AGAP1: variants seen among roughly 807,000 people sequenced by gnomAD.
AGAP1 encodes the protein arf-GAP with GTPase, ANK repeat and PH domain-containing protein 1.
Under a neutral mutation model 105.3 loss-of-function variants are expected in AGAP1, and 29 were observed. That is an observed-to-expected ratio of 0.28 (90% CI 0.21 to 0.38). The LOEUF (loss-of-function observed/expected upper bound fraction) is 0.38. Among genes scored for constraint, AGAP1 ranks in the 10% least tolerant of loss-of-function variants. The pLI, the probability that AGAP1 is intolerant of heterozygous loss-of-function variation, is 1.00. For missense variants in AGAP1, 998 were observed against 1,165.1 expected, an observed-to-expected ratio of 0.86 and a Z score of 2.09; for synonymous variants, 509 against 485.9, an observed-to-expected ratio of 1.05 and a Z score of -0.63.
intron 16 of AGAP1, among the ~76,000 whole-genome samples, chr2:236,075,016 G>A (rs1429750577): frequency 6.6e-6 from 1 of 152,170 alleles, no homozygotes; most frequent in Non-Finnish European, 1.5e-5. Context: ...TCACTCCACT[G>A]CACTCCAGCT....
intron 12 of AGAP1, among the ~76,000 whole-genome samples, chr2:235,943,341 G>C (rs1226794855): frequency 3.3e-5 from 5 of 150,392 alleles, no homozygotes; most frequent in Non-Finnish European, 7.4e-5. Flanking sequence ...CATGCAAAAA[G>C]GCAAAGACCT....
chr2:236,066,074 C>T (rs2058337064), intron 16 of AGAP1, among the ~76,000 whole-genome samples: 1 of 152,192 alleles, frequency 6.6e-6, no homozygotes. Context: ...ACCCTTCTTC[C>T]ATTGCTTGTC....
In AGAP1 at chr2:235,622,876, CTCT is replaced by C; in HGVS notation, c.164-86298_164-86296del. ...GAAAGTAAGATGTGATGTTAATAGT[CTCT>C]TCTTGGAGTCAGCACTGCTTCACGG... On this transcript the variant is annotated intron_variant, in intron 1 of 17. Transcript: ENST00000304032. This position sits in a 1 kb window ranked among gnomAD's most constrained non-coding sequence, Gnocchi z 5.0. Among the ~76,000 whole-genome samples the C allele has an allele frequency of 6.6e-6, 1 of 152,212 alleles. No individual in the cohort carries two copies. The highest frequency in any genetic ancestry group is 1.5e-5 in the Non-Finnish European group (1 of 68,012).
Position 235,824,168 on chromosome 2 carries a change from G to A in AGAP1, c.1050+16837G>A, listed in dbSNP as rs528016362. 2.0e-5 allele frequency among the ~76,000 whole-genome samples: 3 copies of A among 152,208 alleles called. No homozygotes were observed. Among genetic ancestry groups the A allele is most frequent in the Admixed American group, 1.3e-4 (2 of 15,292 alleles). On this transcript the variant is annotated intron_variant, in intron 9 of 17. Coordinates refer to ENST00000304032, the MANE Select transcript of AGAP1 (RefSeq NM_001037131.3). The surrounding 1 kb of genome is among the most constrained non-coding windows in gnomAD (Gnocchi z 5.2). ...ACTGCAGAAACGTTTTCTAAATAGC[G>A]CCAACGCTGAGGGGTCTTCGATTGG...
At chr2:235,710,608 A>T (rs1950805591) in intron 2 of AGAP1, among the ~76,000 whole-genome samples, 1 of 152,182 alleles carries the variant, frequency 6.6e-6, no homozygotes, top group South Asian at 2.1e-4. Flanking sequence ...GGGGTTCCGC[A>T]AGACTGGCCT....
chr2:235,925,770 A>T (rs1559653917), intron 11 of AGAP1, among the ~76,000 whole-genome samples: 2 of 152,168 alleles, frequency 1.3e-5, no homozygotes, highest in East Asian at 3.9e-4. Flanking sequence ...CCTCGGCAGG[A>T]CTGCTTCGAG....
intron 9 of AGAP1, among the ~76,000 whole-genome samples, chr2:235,818,025 G>A (rs1958559302): frequency 6.6e-6 from 1 of 152,184 alleles, no homozygotes; most frequent in African/African-American, 2.4e-5. Flanking sequence ...ACATCTTAGG[G>A]CCGTCCCAAG....
Position 235,864,427 on chromosome 2 carries a change from T to G in AGAP1, c.1051-18918T>G, listed in dbSNP as rs913945730. Among the ~76,000 whole-genome samples the G allele has an allele frequency of 6.6e-6, 1 of 152,168 alleles. No homozygotes were observed. Among genetic ancestry groups the G allele is most frequent in the Non-Finnish European group, 1.5e-5 (1 of 68,026 alleles). On this transcript the variant is annotated intron_variant, in intron 9 of 17. Transcript: ENST00000304032. This position sits in a 1 kb window ranked among gnomAD's most constrained non-coding sequence, Gnocchi z 5.0. ...TTTCCAGACCATGGTAAGTGCCCGT[T>G]GGTTTTGTTTGCGGTTCTGGCCTCC...
At chr2:235,950,984 C>T (rs1287809268) in intron 12 of AGAP1, among the ~76,000 whole-genome samples, 2 of 138,690 alleles carry the variant, frequency 1.4e-5, no homozygotes, top group Non-Finnish European at 3.1e-5. Flanking sequence ...GTGGTGCAAA[C>T]AAAGTCAGTT....
intron 15 of AGAP1, among the ~76,000 whole-genome samples, chr2:236,043,604 G>C (rs745615218): frequency 3.8e-5 from 2 of 53,036 alleles, no homozygotes; most frequent in African/African-American, 1.0e-4. Context: ...GCATATGCCT[G>C]TAATCCCGGC....
In AGAP1 at chr2:235,873,824, C is replaced by T. The variant is rs149217229; in HGVS notation, c.1051-9521C>T. Among the ~76,000 whole-genome samples, 784 of 151,892 alleles carry T rather than the reference C, an allele frequency of 5.2e-3. 10 individuals carry two copies. Among genetic ancestry groups the T allele is most frequent in the African/African-American group, 0.018 (750 of 41,428 alleles). On this transcript the variant is annotated intron_variant, in intron 9 of 17. Transcript: ENST00000304032. ...CTCACTGCAGCCTCGACCTCCTGAG[C>T]TCAGGCAGTTCTCTCACCTCAGCTT...
rs1040518696 is a variant in AGAP1 at position 235,689,976 on chromosome 2, G to A, written c.164-19203G>A. ...TTTCCCTGGTCTAATTTTTTCAGATGGTAAATAGATCGCGTTGTTGCATGC... is the reference window on the plus strand; with the variant it reads ...TTTCCCTGGTCTAATTTTTTCAGATAGTAAATAGATCGCGTTGTTGCATGC... On this transcript the variant is annotated intron_variant, in intron 1 of 17. Coordinates refer to ENST00000304032, the MANE Select transcript of AGAP1 (RefSeq NM_001037131.3). The surrounding 1 kb of genome is among the most constrained non-coding windows in gnomAD (Gnocchi z 4.2). Among the ~76,000 whole-genome samples the A allele has an allele frequency of 6.6e-6, 1 of 152,004 alleles. No individual in the cohort carries two copies. Among genetic ancestry groups the A allele is most frequent in the Non-Finnish European group, 1.5e-5 (1 of 67,998 alleles).
At chr2:235,815,608 G>T (rs1958407047) in intron 9 of AGAP1, among the ~76,000 whole-genome samples, 1 of 152,152 alleles carries the variant, frequency 6.6e-6, no homozygotes, top group South Asian at 2.1e-4. Flanking sequence ...CATCTGGAAT[G>T]TCCTAGCTTA....
chr2:235,996,474 T>C (rs766131865), intron 13 of AGAP1, among the ~76,000 whole-genome samples: 43 of 152,338 alleles, frequency 2.8e-4, no homozygotes, highest in Non-Finnish European at 5.3e-4. Flanking sequence ...ACTGATCCTT[T>C]TATGAAAATA....
At chr2:236,103,781 C>G (rs1305999079) in intron 16 of AGAP1, among the ~76,000 whole-genome samples, 1 of 152,064 alleles carries the variant, frequency 6.6e-6, no homozygotes, top group African/African-American at 2.4e-5. Context: ...GTTGGTCAGG[C>G]TGGTCTCGAA....
chr2:235,892,950 A>G (rs910707779), intron 10 of AGAP1, among the ~76,000 whole-genome samples: 35 of 152,214 alleles, frequency 2.3e-4, no homozygotes, highest in African/African-American at 7.2e-4. Flanking sequence ...TACTGAGAAG[A>G]GCGTAGTCAG....
At chr2:235,767,246 A>C (rs917326691) in intron 6 of AGAP1, among the ~76,000 whole-genome samples, 1 of 149,346 alleles carries the variant, frequency 6.7e-6, no homozygotes, top group Non-Finnish European at 1.5e-5. Context: ...AAATGGACTT[A>C]TTATTTAGCC....
In AGAP1 at chr2:235,642,212, G is replaced by A. The variant is rs776237822; in HGVS notation, c.164-66967G>A. Among the ~76,000 whole-genome samples, 2 of 152,140 alleles carry A rather than the reference G, an allele frequency of 1.3e-5. No homozygotes were observed. Among genetic ancestry groups the A allele is most frequent in the Admixed American group, 6.5e-5 (1 of 15,272 alleles). ...TTCCTCTCCCAAGTCTTGCTAGCTCGTGGCATGTGCAATGGGATCTCTTTC... is the reference window on the plus strand; with the variant it reads ...TTCCTCTCCCAAGTCTTGCTAGCTCATGGCATGTGCAATGGGATCTCTTTC... On this transcript the variant is annotated intron_variant, in intron 1 of 17. Coordinates refer to ENST00000304032, the MANE Select transcript of AGAP1 (RefSeq NM_001037131.3). The surrounding 1 kb of genome is among the most constrained non-coding windows in gnomAD (Gnocchi z 4.1).
chr2:235,813,582 C>T (rs1322851145), intron 9 of AGAP1, among the ~76,000 whole-genome samples: 1 of 152,206 alleles, frequency 6.6e-6, no homozygotes, highest in East Asian at 1.9e-4. Context: ...GGCAGGCAGT[C>T]AGGCGGGTTG....
Sources: gnomAD v4.1 joint callset for allele counts (sites outside exome capture counted in the v4.1 genomes callset) on GRCh38, gnomAD v4.1.1 for gene constraint, Gnocchi (gnomAD v3.1) non-coding constraint, MANE v1.5 for transcripts, NCBI Gene and HGNC (gene_info 2026-07-23, HGNC 2026-07-21) for gene names.